Variants in MTSS1 observed in about 807,000 individuals in gnomAD.
MTSS1 encodes the protein protein MTSS 1.
Under a neutral mutation model 79.0 loss-of-function variants are expected in MTSS1, and 18 were observed. The ratio of observed to expected loss-of-function variants is 0.23; its 90% CI spans 0.16 to 0.34. The LOEUF (loss-of-function observed/expected upper bound fraction) is 0.34. Among genes scored for constraint, MTSS1 ranks in the 10% least tolerant of loss-of-function variants. The pLI is 1.00. For missense variants in MTSS1, 815 were observed against 986.2 expected (o/e 0.83, Z 2.33); for synonymous variants, 341 against 368.6 (o/e 0.93, Z 0.86).
chr8:124,640,320 A>C (rs1817791131), intron 3 of MTSS1, among the ~76,000 whole-genome samples: 1 of 152,252 alleles, frequency 6.6e-6, no homozygotes, highest in South Asian at 2.1e-4. Flanking sequence ...GGACTAAAAA[A>C]TTATACGCAC....
chr8:124,642,312 C>T (rs1258508250), intron 3 of MTSS1, among the ~76,000 whole-genome samples: 2 of 152,168 alleles, frequency 1.3e-5, no homozygotes, highest in Non-Finnish European at 2.9e-5. Flanking sequence ...AAAAGCTCCA[C>T]ATGCTAGGAT....
At chr8:124,722,354 C>A (rs1263663450) in intron 1 of MTSS1, among the ~76,000 whole-genome samples, 2 of 152,152 alleles carry the variant, frequency 1.3e-5, no homozygotes, top group South Asian at 4.2e-4. Flanking sequence ...CCAAACAAAT[C>A]GGGAAGCAGG....
At chr8:124,668,054 C>T (rs996181512) in intron 3 of MTSS1, among the ~76,000 whole-genome samples, 1 of 152,132 alleles carries the variant, frequency 6.6e-6, no homozygotes, top group Non-Finnish European at 1.5e-5. Context: ...CGCCACTGCA[C>T]TCCAGCCTGG....
intron 1 of MTSS1, among the ~76,000 whole-genome samples, chr8:124,716,793 C>T (rs1176521072): frequency 6.6e-6 from 1 of 152,060 alleles, no homozygotes; most frequent in African/African-American, 2.4e-5. Flanking sequence ...CATCTAGCTC[C>T]TTTAGATGTA....
In MTSS1 at chr8:124,632,553, C is replaced by G. The variant is rs143638892; in HGVS notation, c.209-41318G>C. ...ATTTTGCTATAACCTGGAAATTTCTCCAGCCAAAGGGTTGTTGTCATCTCA... is the reference window on the plus strand; with the variant it reads ...ATTTTGCTATAACCTGGAAATTTCTGCAGCCAAAGGGTTGTTGTCATCTCA... On this transcript the variant is annotated intron_variant, in intron 3 of 13. Transcript: ENST00000518547. Among the ~76,000 whole-genome samples the G allele has an allele frequency of 6.6e-4, 101 of 152,184 alleles. 1 individual carries two copies. The highest frequency in any genetic ancestry group is 1.2e-3 in the Non-Finnish European group (79 of 68,020).
In MTSS1 at chr8:124,658,468, CG is replaced by C. The variant is rs1386948223; in HGVS notation, c.208+41057del. Among the ~76,000 whole-genome samples the C allele has an allele frequency of 4.6e-5, 7 of 152,184 alleles. No individual in the cohort carries two copies. In the South Asian group the frequency reaches 1.0e-3, roughly 23 times the overall value. On this transcript the variant is annotated intron_variant, in intron 3 of 13. Coordinates refer to ENST00000518547, the MANE Select transcript of MTSS1 (RefSeq NM_014751.6). ...TTTTTCTTTATAAATTACCCAATCT[CG>C]GGTATGTCTTTTATCAGCAGCATGA...
chr8:124,602,178 C>CATATATATATAT (rs1381999447), intron 3 of MTSS1, among the ~76,000 whole-genome samples: 38 of 101,418 alleles, frequency 3.7e-4, no homozygotes, highest in African/African-American at 1.7e-3. Flanking sequence ...AAATAAATCT[C>CATATATATATAT]ATATATATAC....
At chr8:124,556,683 T>G (rs565027077) in intron 11 of MTSS1, 1 of 468,562 alleles carries the variant, frequency 2.1e-6, no homozygotes, top group South Asian at 2.8e-5. Flanking sequence ...GGCAGCCACC[T>G]AACAGGTGAC....
intron 1 of MTSS1, among the ~76,000 whole-genome samples, chr8:124,716,766 C>T (rs1481245140): frequency 6.6e-6 from 1 of 152,102 alleles, no homozygotes; most frequent in Non-Finnish European, 1.5e-5. Flanking sequence ...GGGGTGCCAG[C>T]TAGGTCCCAG....
chr8:124,709,599 G>A (rs1371031944), intron 1 of MTSS1, among the ~76,000 whole-genome samples: 1 of 152,214 alleles, frequency 6.6e-6, no homozygotes. Context: ...GCCCTTGGCA[G>A]TGCGTTCGTT....
At chr8:124,723,323 A>C (rs2135844227) in intron 1 of MTSS1, among the ~76,000 whole-genome samples, 1 of 152,324 alleles carries the variant, frequency 6.6e-6, no homozygotes, top group Non-Finnish European at 1.5e-5. Flanking sequence ...TCTAGTAAGA[A>C]CTGGGCAATG....
Position 124,552,651 on chromosome 8 carries a change from TCGTGG to T in MTSS1, c.*336_*340del, listed in dbSNP as rs1427763477. On this transcript the variant is annotated 3_prime_UTR_variant, in exon 14 of 14. Transcript: ENST00000518547. ...AAATCCTTTTCTAAAATTAACTACT[TCGTGG>T]TTCCCCTGCCCCAACCCCCTTTATG... 4.0e-6 allele frequency: 1 copy of T among 250,190 alleles called. No individual in the cohort carries two copies. The highest frequency in any genetic ancestry group is 2.2e-5 in the African/African-American group (1 of 44,754). The allele number at this position is 250,190 out of a possible 1,614,324, so 15.5% of individuals were successfully genotyped here. A position where few individuals can be genotyped will look rare whatever the true frequency, so the allele number is the denominator to read the frequency against.
chr8:124,614,286 T>C (rs542522484), intron 3 of MTSS1, among the ~76,000 whole-genome samples: 3 of 152,000 alleles, frequency 2.0e-5, no homozygotes, highest in Non-Finnish European at 2.9e-5. Context: ...CCTTGCTCAA[T>C]TGGAGGCCAG....
At chr8:124,657,949 C>T (rs1821276645) in intron 3 of MTSS1, among the ~76,000 whole-genome samples, 1 of 152,158 alleles carries the variant, frequency 6.6e-6, no homozygotes, top group Non-Finnish European at 1.5e-5. Context: ...GTAATTAGGT[C>T]ATGAGAGTGG....
rs1822599840 is a variant in MTSS1 at position 124,552,024 on chromosome 8, ATAATC to A, written c.*963_*967del. 3.3e-5 allele frequency: 5 copies of A among 152,802 alleles called. No homozygotes were observed. In the South Asian group the frequency reaches 1.0e-3, roughly 32 times the overall value. The allele number at this position is 152,802 out of a possible 1,614,324, so 9.5% of individuals were successfully genotyped here. A position where few individuals can be genotyped will look rare whatever the true frequency, so the allele number is the denominator to read the frequency against. On this transcript the variant is annotated 3_prime_UTR_variant, in exon 14 of 14. Transcript: ENST00000518547. ...CACAGTTAAGTAAAAGGCATTTACT[ATAATC>A]TAAGAATTCCCTGCTATTATCATTT...
intron 3 of MTSS1, among the ~76,000 whole-genome samples, chr8:124,652,518 A>G (rs1242446774): frequency 6.6e-6 from 1 of 152,168 alleles, no homozygotes; most frequent in Non-Finnish European, 1.5e-5. Context: ...AAAACAAGCC[A>G]CAATGTAAGC....
In MTSS1 at chr8:124,568,551, G is replaced by A. The variant is rs755974467; in HGVS notation, c.461-15C>T. Reference sequence around the variant, plus strand: ...ATCACCTCTCCCTGCAAAAAACAGAGACCCAAGCACGGCTTGCTGAAATAC... The same window carrying A: ...ATCACCTCTCCCTGCAAAAAACAGAAACCCAAGCACGGCTTGCTGAAATAC... On this transcript the variant is annotated splice_polypyrimidine_tract_variant and intron_variant, in intron 6 of 13. Coordinates refer to ENST00000518547, the MANE Select transcript of MTSS1 (RefSeq NM_014751.6). 6 of 1,614,090 alleles carry A rather than the reference G, an allele frequency of 3.7e-6. No homozygotes were observed.
intron 10 of MTSS1, among the ~76,000 whole-genome samples, chr8:124,559,801 G>C (rs933058239): frequency 3.9e-5 from 6 of 152,176 alleles, no homozygotes; most frequent in African/African-American, 1.4e-4. Flanking sequence ...CATCCATCCA[G>C]GTACTTGCTT....
chr8:124,599,210 C>T (rs1191880338), intron 3 of MTSS1, among the ~76,000 whole-genome samples: 2 of 146,656 alleles, frequency 1.4e-5, no homozygotes, highest in East Asian at 2.0e-4. Context: ...TAGCCGGGTG[C>T]GGTGGCTCAC....
Sources: gnomAD v4.1 joint callset for allele counts (sites outside exome capture counted in the v4.1 genomes callset) on GRCh38, gnomAD v4.1.1 for gene constraint, MANE v1.5 for transcripts, NCBI Gene and HGNC (gene_info 2026-07-23, HGNC 2026-07-21) for gene names.